ARHGEF12: variants seen among roughly 807,000 people sequenced by gnomAD.
ARHGEF12 encodes the protein KMT2A/ARHGEF12 fusion protein.
A neutral mutation model predicts 211.2 loss-of-function variants in ARHGEF12; 66 were observed. That is an observed-to-expected ratio of 0.31 (90% CI 0.26 to 0.38). The LOEUF is 0.38. Among genes scored for constraint, ARHGEF12 ranks in the 10% least tolerant of loss-of-function variants. ARHGEF12 has a pLI of 1.00. For missense variants in ARHGEF12, 1,429 were observed against 1,869.5 expected, an observed-to-expected ratio of 0.76 and a Z score of 4.34; for synonymous variants, 592 against 638.4, an observed-to-expected ratio of 0.93 and a Z score of 1.09.
intron 7 of ARHGEF12, among the ~76,000 whole-genome samples, chr11:120,427,594 C>G (rs1398342263): frequency 6.7e-6 from 1 of 150,344 alleles, no homozygotes. Context: ...ATTGCTTGAA[C>G]CCAGGAAGTC....
At chr11:120,448,173 C>A in intron 19 of ARHGEF12, 61 bp from the exon 20 acceptor site, 2 of 1,270,598 alleles carry the variant, frequency 1.6e-6, no homozygotes, top group Non-Finnish European at 2.2e-6. Flanking sequence ...CATTTGATGT[C>A]TTTATTCTAC....
chr11:120,346,837 A>G (rs1237219441), intron 1 of ARHGEF12, among the ~76,000 whole-genome samples: 1 of 152,038 alleles, frequency 6.6e-6, no homozygotes, highest in Non-Finnish European at 1.5e-5. Context: ...CCCCCTTCTC[A>G]CTAGATTATT....
At chr11:120,465,680 C>T (rs1946684344) in intron 28 of ARHGEF12, among the ~76,000 whole-genome samples, 1 of 152,128 alleles carries the variant, frequency 6.6e-6, no homozygotes. Context: ...GTTGGCCAGG[C>T]TGGGCTCGAA....
intron 21 of ARHGEF12, chr11:120,451,087 T>C (rs1051538383): frequency 6.3e-6 from 1 of 159,188 alleles, no homozygotes; most frequent in Non-Finnish European, 1.4e-5. Flanking sequence ...ATATATTTTT[T>C]AGGGTCTACC....
chr11:120,429,832 G>A lies in ARHGEF12; in HGVS notation c.783+1G>A. 1 of 1,609,522 alleles carries A rather than the reference G, an allele frequency of 6.2e-7. No homozygotes were observed. Among genetic ancestry groups the A allele is most frequent in the Non-Finnish European group, 8.5e-7 (1 of 1,178,748 alleles). On this transcript the variant is annotated splice_donor_variant, in intron 10 of 40. Transcript: ENST00000397843. LOFTEE classifies it high-confidence loss of function. ...ATCCAAAGCCACAGGCTCTGCTCAG[G>A]TAGCATCACTATTACAAGTGCTACC...
chr11:120,384,798 ATGTTTAAATC>A (rs1943979789), intron 1 of ARHGEF12, among the ~76,000 whole-genome samples: 1 of 151,982 alleles, frequency 6.6e-6, no homozygotes, highest in South Asian at 2.1e-4. Flanking sequence ...TCCTCCCCCC[ATGTTTAAATC>A]TGTTTCTCCT....
At chr11:120,422,764 A>T (rs1945231607) in intron 6 of ARHGEF12, among the ~76,000 whole-genome samples, 3 of 152,210 alleles carry the variant, frequency 2.0e-5, no homozygotes, top group South Asian at 4.1e-4. Context: ...AAGAATCACT[A>T]AAGATAAAAA....
chr11:120,343,353 T>A (rs539673916), intron 1 of ARHGEF12, among the ~76,000 whole-genome samples: 81 of 152,198 alleles, frequency 5.3e-4, no homozygotes, highest in Admixed American at 1.1e-3. Context: ...TTTAGAGCAT[T>A]TTACTTTTTC....
intron 6 of ARHGEF12, 83 bp from the exon 7 acceptor site, chr11:120,424,275 T>C (rs1945278623): frequency 1.1e-6 from 1 of 898,642 alleles, no homozygotes; most frequent in Non-Finnish European, 1.8e-6. Flanking sequence ...ATTGGTTATA[T>C]TATGTATGAT....
intron 22 of ARHGEF12, 37 bp downstream of exon 22, chr11:120,451,761 A>G (rs1245495260): frequency 1.3e-6 from 2 of 1,567,506 alleles, no homozygotes; most frequent in Admixed American, 3.6e-5. Context: ...ACTAAGCATC[A>G]AGATTTTAAA....
intron 1 of ARHGEF12, among the ~76,000 whole-genome samples, chr11:120,395,056 C>CAAAAAAAAAAAAAAAAAAAAAAAA (rs758953056): frequency 2.9e-5 from 1 of 34,588 alleles, no homozygotes; most frequent in African/African-American, 1.0e-4. Flanking sequence ...GACTCTATCT[C>CAAAAAAAAAAAAAAAAAAAAAAAA]AAAAAAAAAA....
rs776565417 is a variant in ARHGEF12, at chr11:120,429,798, A to G, written c.750A>G (p.Gln250=). The stretch of plus-strand genomic sequence containing the variant: ...CCAAGAAACACATTCCTCAGCTGCA[A>G]GAGCAGTTATCCAAAGCCACAGGCT... ...QEAKKHIPQL[Q]EQLSKATGSA... is the part of the protein sequence containing the mutation. The change falls in exon 10 of 41, where the codon CAA becomes CAG. Residue 250 remains glutamine (Q), a synonymous_variant. Transcript: ENST00000397843. 6.2e-7 allele frequency: 1 copy of G among 1,613,904 alleles called. No homozygotes were observed. The highest frequency in any genetic ancestry group is 8.5e-7 in the Non-Finnish European group (1 of 1,179,850).
intron 8 of ARHGEF12, among the ~76,000 whole-genome samples, chr11:120,428,958 T>C (rs1455441158): frequency 2.0e-5 from 3 of 152,208 alleles, no homozygotes; most frequent in Non-Finnish European, 4.4e-5. Context: ...TCAATGTTGT[T>C]TCTTTTTAAG....
chr11:120,374,035 G>A (rs1166793941), intron 1 of ARHGEF12, among the ~76,000 whole-genome samples: 6 of 152,134 alleles, frequency 3.9e-5, no homozygotes, highest in African/African-American at 1.4e-4. Context: ...TCGAACTCCC[G>A]ACCTCAGGTG....
At chr11:120,429,956 C>A in intron 10 of ARHGEF12, 125 bp downstream of exon 10, 1 of 1,063,396 alleles carries the variant, frequency 9.4e-7, no homozygotes, top group Non-Finnish European at 1.3e-6. Context: ...ACAGGATGTC[C>A]TGTTAAGGAT....
At chr11:120,421,610 G>A (rs1316243) in intron 5 of ARHGEF12, among the ~76,000 whole-genome samples, 193 bp from the exon 6 acceptor site, 1 of 151,734 alleles carries the variant, frequency 6.6e-6, no homozygotes, top group Non-Finnish European at 1.5e-5. Context: ...GTGAATTTTT[G>A]TATTTTTAGT....
chr11:120,488,580 G>A lies in ARHGEF12; in HGVS notation c.*3503G>A, dbSNP rs1344501528. ...GTATTGAGGGTTTTGATAATAAATT[G>A]GTAGGAAAAAAAAGTACCTCCTAGA... On this transcript the variant is annotated 3_prime_UTR_variant, in exon 41 of 41. Coordinates refer to ENST00000397843, the MANE Select transcript of ARHGEF12 (RefSeq NM_015313.3). 1 of 218,828 alleles carries A rather than the reference G, an allele frequency of 4.6e-6. No homozygotes were observed. The highest frequency in any genetic ancestry group is 1.9e-4 in the South Asian group (1 of 5,360). The allele number at this position is 218,828 out of a possible 1,614,324, so 13.6% of individuals were successfully genotyped here.
chr11:120,440,594 G>A (rs936327075), intron 13 of ARHGEF12, among the ~76,000 whole-genome samples: 11 of 151,952 alleles, frequency 7.2e-5, no homozygotes, highest in Non-Finnish European at 1.5e-4. Context: ...ATTATTTCTT[G>A]GTGCTTTTAA....
intron 26 of ARHGEF12, among the ~76,000 whole-genome samples, chr11:120,459,690 T>C (rs1346960974): frequency 6.6e-6 from 1 of 152,084 alleles, no homozygotes; most frequent in African/African-American, 2.4e-5. Flanking sequence ...TATAATCACA[T>C]GGTTCGGTAA....
Sources: gnomAD v4.1 joint callset for allele counts (sites outside exome capture counted in the v4.1 genomes callset) on GRCh38, gnomAD v4.1.1 for gene constraint, MANE v1.5 for transcripts, NCBI Gene and HGNC (gene_info 2026-07-23, HGNC 2026-07-21) for gene names.